The following LIN52 variants were observed in gnomAD, a reference collection of about 807,000 sequenced individuals.
LIN52 encodes lin-52 DREAM MuvB core complex component, also known as protein lin-52 homolog.
A neutral mutation model predicts 18.5 loss-of-function variants in LIN52; 4 were observed. The observed-to-expected ratio is 0.22, with a 90% CI of 0.11 to 0.49. LIN52 has a LOEUF of 0.49. Ranked by LOEUF, LIN52 falls within the 20% of genes least tolerant of loss-of-function variation. The pLI, the probability that LIN52 is intolerant of heterozygous loss-of-function variation, is 0.97. For missense variants in LIN52, 102 were observed against 139.5 expected (o/e 0.73, Z 1.35); for synonymous variants, 34 against 45.5 (o/e 0.75, Z 1.02).
intron 5 of LIN52, among the ~76,000 whole-genome samples, chr14:74,141,018 A>T (rs2061127630): frequency 6.6e-6 from 1 of 152,222 alleles, no homozygotes; most frequent in Non-Finnish European, 1.5e-5. Context: ...AACAGTTTTA[A>T]CTTTTTCATT....
At chr14:74,097,739 A>T in intron 3 of LIN52, 55 bp from the exon 4 acceptor site, 1 of 1,294,286 alleles carries the variant, frequency 7.7e-7, no homozygotes, top group Non-Finnish European at 1.1e-6. Flanking sequence ...TATAAGAATA[A>T]TAGGGTCTCC....
At chr14:74,090,209 G>T (rs1250714328) in intron 1 of LIN52, among the ~76,000 whole-genome samples, 1 of 151,970 alleles carries the variant, frequency 6.6e-6, no homozygotes, top group Admixed American at 6.6e-5. Flanking sequence ...AGTAGAGACA[G>T]GGTTTCACTA....
At chr14:74,108,672 T>C (rs7158465) in intron 5 of LIN52, among the ~76,000 whole-genome samples, 1,571 of 152,356 alleles carry the variant, frequency 0.01, 12 homozygotes, top group Middle Eastern at 0.027. Flanking sequence ...CATGTGCTTA[T>C]TATATATCTT....
intron 5 of LIN52, chr14:74,192,623 G>A: frequency 4.3e-6 from 1 of 234,992 alleles, no homozygotes; most frequent in Non-Finnish European, 8.4e-6. Context: ...TGGAGGGGTA[G>A]GATAGTTCAG....
At chr14:74,172,340 G>A (rs112251378) in intron 5 of LIN52, among the ~76,000 whole-genome samples, 21 of 152,146 alleles carry the variant, frequency 1.4e-4, no homozygotes, top group South Asian at 4.1e-4. Flanking sequence ...ATTTACTGGC[G>A]GTGTAATCTT....
intron 5 of LIN52, among the ~76,000 whole-genome samples, chr14:74,107,849 CT>C (rs201051148): frequency 3.9e-5 from 6 of 151,976 alleles, no homozygotes; most frequent in African/African-American, 1.4e-4. Flanking sequence ...GTTTTTTTCT[CT>C]TTTTTTTGGG....
At chr14:74,097,957 G>C (rs183656557) in intron 4 of LIN52, 97 bp downstream of exon 4, 2 of 864,386 alleles carry the variant, frequency 2.3e-6, no homozygotes, top group Admixed American at 4.6e-5. Context: ...AGTATTTTTG[G>C]CTTCAGACTT....
chr14:74,120,079 G>A (rs531368987), intron 5 of LIN52, among the ~76,000 whole-genome samples: 3 of 151,698 alleles, frequency 2.0e-5, no homozygotes, highest in South Asian at 4.2e-4. Context: ...CGGGTGATCC[G>A]CCTGCCTCGG....
chr14:74,113,322 G>A (rs967113147), intron 5 of LIN52, among the ~76,000 whole-genome samples: 1 of 152,136 alleles, frequency 6.6e-6, no homozygotes, highest in African/African-American at 2.4e-5. Context: ...AATCTGGGAG[G>A]CAGAGGTTGC....
chr14:74,132,950 C>T (rs1436970734), intron 5 of LIN52, among the ~76,000 whole-genome samples: 1 of 151,668 alleles, frequency 6.6e-6, no homozygotes, highest in Non-Finnish European at 1.5e-5. Flanking sequence ...AAACGGACCT[C>T]AAATCAACAA....
chr14:74,159,567 GTTT>G (rs11288935), intron 5 of LIN52, among the ~76,000 whole-genome samples: 5 of 133,580 alleles, frequency 3.7e-5, no homozygotes, highest in African/African-American at 2.9e-5. Flanking sequence ...TGTGGGGTTT[GTTT>G]TTTTTTTTTT....
chr14:74,111,664 A>G (rs76910186), intron 5 of LIN52, among the ~76,000 whole-genome samples: 3,363 of 148,578 alleles, frequency 0.023, 55 homozygotes, highest in Middle Eastern at 0.041. Flanking sequence ...GTGGGCTGAC[A>G]TCAGAATTAT....
At chr14:74,130,283 T>TTTTTTTG (rs1566856532) in intron 5 of LIN52, among the ~76,000 whole-genome samples, 6 of 127,392 alleles carry the variant, frequency 4.7e-5, no homozygotes, top group East Asian at 4.5e-4. Flanking sequence ...TTTTGGTTTT[T>TTTTTTTG]TTTTTTTTTT....
chr14:74,115,957 G>A (rs2060961814), intron 5 of LIN52, among the ~76,000 whole-genome samples: 1 of 152,106 alleles, frequency 6.6e-6, no homozygotes, highest in Admixed American at 6.6e-5. Context: ...AATTAATTTG[G>A]ATGGTGTTGG....
chr14:74,154,343 C>A (rs925622084), intron 5 of LIN52, among the ~76,000 whole-genome samples: 1 of 152,090 alleles, frequency 6.6e-6, no homozygotes, highest in Non-Finnish European at 1.5e-5. Context: ...CTACATAAAC[C>A]AGGCTATATG....
chr14:74,129,359 A>G (rs986919472), intron 5 of LIN52, among the ~76,000 whole-genome samples: 1 of 152,198 alleles, frequency 6.6e-6, no homozygotes, highest in East Asian at 1.9e-4. Context: ...TGAATCAAAT[A>G]TAAGTAAGGT....
intron 5 of LIN52, among the ~76,000 whole-genome samples, chr14:74,131,160 C>A (rs4899495): frequency 0.011 from 1,566 of 144,034 alleles, 14 homozygotes; most frequent in Middle Eastern, 0.03. Context: ...AACAAATAAC[C>A]AGCCCAAATC....
At chr14:74,165,513 C>CTTTTTTTTTTTTTTTT (rs71460962) in intron 5 of LIN52, among the ~76,000 whole-genome samples, 1,115 of 110,068 alleles carry the variant, frequency 0.01, 65 homozygotes, top group Non-Finnish European at 0.013. Context: ...GTTTTCTTTT[C>CTTTTTTTTTTTTTTTT]TTTTTTTTTT....
At chr14:74,132,865 G>A (rs1212705280) in intron 5 of LIN52, among the ~76,000 whole-genome samples, 1 of 152,090 alleles carries the variant, frequency 6.6e-6, no homozygotes, top group East Asian at 1.9e-4. Context: ...CATTTCCTTA[G>A]AACTATTTTT....
Sources: gnomAD v4.1 joint callset for allele counts (sites outside exome capture counted in the v4.1 genomes callset) on GRCh38, gnomAD v4.1.1 for gene constraint, MANE v1.5 for transcripts, NCBI Gene and HGNC (gene_info 2026-07-23, HGNC 2026-07-21) for gene names.